Variants in EPHA4 observed in about 807,000 individuals in gnomAD.
The protein encoded by EPHA4 is ephrin type-A receptor 4.
EPHA4 carries 19 observed loss-of-function variants against 108.3 expected under a neutral mutation model. That is an observed-to-expected ratio of 0.18 (90% CI 0.12 to 0.26). EPHA4 has a LOEUF of 0.26. Among genes scored for constraint, EPHA4 ranks in the 10% least tolerant of loss-of-function variants. EPHA4 has a pLI of 1.00. For synonymous variants in EPHA4, 449 were observed against 455.5 expected (o/e 0.99, Z 0.18); for missense variants, 917 against 1,254.0 (o/e 0.73, Z 4.06).
chr2:221,563,941 G>A lies in EPHA4; in HGVS notation c.613C>T (p.Pro205Ser), dbSNP rs752143625. ...TGGGCCAGATTGCGGACTGTGAGTGGACACTTTTTATAGAACACACGGACT... is the reference window on the plus strand; with the variant it reads ...TGGGCCAGATTGCGGACTGTGAGTGAACACTTTTTATAGAACACACGGACT... Reference protein sequence around the residue: ...VSVRVFYKKCPLTVRNLAQFP... With the variant: ...VSVRVFYKKCSLTVRNLAQFP... Residue 205 changes from proline to serine, a missense_variant, in exon 3 of 18, where the codon CCA becomes TCA. Pro to Ser is a moderately conservative substitution (Grantham distance 74, BLOSUM62 -1). This residue lies in a region of EPHA4 where 758 missense variants were observed against 1,076.7 expected (regional missense o/e 0.70). Transcript: ENST00000281821. 6.2e-7 allele frequency: 1 copy of A among 1,614,030 alleles called. No individual in the cohort carries two copies. Among genetic ancestry groups the A allele is most frequent in the African/African-American group, 1.3e-5 (1 of 74,900 alleles).
At chr2:221,462,974 C>T (rs1336561404) in intron 5 of EPHA4, among the ~76,000 whole-genome samples, 2 of 152,128 alleles carry the variant, frequency 1.3e-5, no homozygotes, top group Non-Finnish European at 2.9e-5. Context: ...TGGTGAGACT[C>T]CCAAGTCATA....
At chr2:221,444,465 C>A (rs3770189) in intron 9 of EPHA4, among the ~76,000 whole-genome samples, 1 of 151,852 alleles carries the variant, frequency 6.6e-6, no homozygotes, top group Non-Finnish European at 1.5e-5. Context: ...CCAGTCCCTT[C>A]GACTTTCCAA....
intron 3 of EPHA4, among the ~76,000 whole-genome samples, chr2:221,545,031 G>A (rs1693948492): frequency 6.6e-6 from 1 of 152,190 alleles, no homozygotes; most frequent in African/African-American, 2.4e-5. Flanking sequence ...CTCCCAGTCT[G>A]TAGTATTGTA....
intron 4 of EPHA4, among the ~76,000 whole-genome samples, chr2:221,494,733 A>T (rs1048844368): frequency 6.6e-6 from 1 of 152,210 alleles, no homozygotes; most frequent in African/African-American, 2.4e-5. Flanking sequence ...AGACCATCAG[A>T]AGTCTTCCTG....
intron 3 of EPHA4, among the ~76,000 whole-genome samples, chr2:221,536,443 G>A (rs115502690): frequency 0.027 from 4,132 of 152,260 alleles, 56 homozygotes; most frequent in Non-Finnish European, 0.039. Flanking sequence ...ACGATGCTCT[G>A]CACTAGACCC....
intron 11 of EPHA4, 42 bp downstream of exon 11, chr2:221,442,787 G>C: frequency 1.9e-6 from 3 of 1,599,186 alleles, no homozygotes; most frequent in Non-Finnish European, 2.6e-6. Flanking sequence ...TAATTTCCCA[G>C]TAACTTCTAG....
chr2:221,552,785 TTTTGATCGAGAAA>T (rs1694200371), intron 3 of EPHA4, among the ~76,000 whole-genome samples: 2 of 152,232 alleles, frequency 1.3e-5, no homozygotes, highest in South Asian at 4.2e-4. Context: ...AATTGATGAA[TTTTGATCGAGAAA>T]TTTGATCGAG....
chr2:221,493,568 C>T (rs1475695791), intron 4 of EPHA4, among the ~76,000 whole-genome samples: 5 of 152,130 alleles, frequency 3.3e-5, no homozygotes, highest in East Asian at 3.9e-4. Context: ...CACACAGCAC[C>T]GGTCGAATCG....
intron 3 of EPHA4, among the ~76,000 whole-genome samples, chr2:221,540,763 A>C (rs1001763219): frequency 1.3e-5 from 2 of 152,086 alleles, no homozygotes; most frequent in African/African-American, 4.8e-5. Flanking sequence ...TCATCTTTCC[A>C]TGACATAGAC....
intron 4 of EPHA4, among the ~76,000 whole-genome samples, chr2:221,497,806 G>T (rs1292591705): frequency 6.6e-6 from 1 of 152,098 alleles, no homozygotes; most frequent in Non-Finnish European, 1.5e-5. Flanking sequence ...GTAGGAGAAG[G>T]AGTTCCAAGA....
At chr2:221,467,552 G>A (rs2106126865) in intron 5 of EPHA4, among the ~76,000 whole-genome samples, 1 of 152,286 alleles carries the variant, frequency 6.6e-6, no homozygotes, top group Admixed American at 6.5e-5. Context: ...ACTCTTTGTA[G>A]TAAATAAAAT....
chr2:221,547,870 C>T (rs983475409), intron 3 of EPHA4, among the ~76,000 whole-genome samples: 3 of 152,184 alleles, frequency 2.0e-5, no homozygotes, highest in African/African-American at 7.2e-5. Flanking sequence ...ACCTGACTTA[C>T]AAGGCTGTTT....
intron 3 of EPHA4, among the ~76,000 whole-genome samples, chr2:221,561,969 T>C (rs538742330): frequency 5.3e-5 from 8 of 152,344 alleles, no homozygotes; most frequent in Non-Finnish European, 1.0e-4. Context: ...TAAAATGTGA[T>C]GGCATGTCAT....
rs572451654 is a variant in EPHA4, at chr2:221,466,216, T to C, written c.1319-8226A>G. 8.5e-5 allele frequency among the ~76,000 whole-genome samples: 13 copies of C among 152,358 alleles called. No homozygotes were observed. The East Asian group carries it at 2.3e-3, about 27-fold the overall frequency. ...AAAGATTCAGCTGATCTTATGCTAATGCTAAATGGGAAAACACATTGGGGT... is the reference window on the plus strand; with the variant it reads ...AAAGATTCAGCTGATCTTATGCTAACGCTAAATGGGAAAACACATTGGGGT... On this transcript the variant is annotated intron_variant, in intron 5 of 17. Coordinates refer to ENST00000281821, the MANE Select transcript of EPHA4 (RefSeq NM_004438.5).
chr2:221,478,540 G>A (rs1288841137), intron 5 of EPHA4, among the ~76,000 whole-genome samples: 1 of 152,210 alleles, frequency 6.6e-6, no homozygotes, highest in East Asian at 1.9e-4. Context: ...AGCTCCAAGA[G>A]CTTCCTCTTC....
Position 221,455,598 on chromosome 2 carries a change from C to A in EPHA4, c.1664G>T (p.Gly555Val). The A allele has an allele frequency of 6.2e-7, 1 of 1,613,920 alleles. No individual in the cohort carries two copies. The highest frequency in any genetic ancestry group is 8.5e-7 in the Non-Finnish European group (1 of 1,179,912). ...GAGAATTACCACCAGCACCACACTG[C>A]CCGAGACAGAGACCAGAAGGACTGT... ...NSTVLLVSVS[G>V]SVVLVVILIA... The change falls in exon 8 of 18, where the codon GGC becomes GTC. Residue 555 changes from glycine (G) to valine (V), a missense_variant. By Grantham distance (109) the Gly-to-Val change is moderately radical. Coordinates refer to ENST00000281821, the MANE Select transcript of EPHA4 (RefSeq NM_004438.5).
intron 3 of EPHA4, among the ~76,000 whole-genome samples, chr2:221,526,983 C>T (rs958954147): frequency 1.3e-5 from 2 of 150,958 alleles, no homozygotes; most frequent in African/African-American, 4.9e-5. Flanking sequence ...AAAATTAAGC[C>T]GGGCGTGGTG....
intron 10 of EPHA4, 82 bp downstream of exon 10, chr2:221,443,411 A>G: frequency 2.9e-6 from 3 of 1,049,552 alleles, no homozygotes; most frequent in Non-Finnish European, 4.3e-6. Flanking sequence ...TATACTCACA[A>G]AAGCATTTAT....
intron 3 of EPHA4, among the ~76,000 whole-genome samples, chr2:221,549,209 GTTC>G (rs940502830): frequency 6.6e-6 from 1 of 152,156 alleles, no homozygotes; most frequent in Non-Finnish European, 1.5e-5. Context: ...ATGCTAAACA[GTTC>G]TTCTTTATAC....
Sources: allele counts gnomAD v4.1 joint callset (sites outside exome capture counted in the v4.1 genomes callset), GRCh38; gene constraint gnomAD v4.1.1; regional missense constraint gnomAD v4.1.1; transcripts MANE v1.5; gene names NCBI Gene and HGNC (gene_info 2026-07-23, HGNC 2026-07-21).